LIMA1: variants seen among roughly 807,000 people sequenced by gnomAD.
The protein encoded by LIMA1 is LIM domain and actin binding 1.
LIMA1 carries 52 observed loss-of-function variants against 62.6 expected under a neutral mutation model. The ratio of observed to expected loss-of-function variants is 0.83; its 90% confidence interval spans 0.67 to 1.05. LIMA1 has a LOEUF of 1.05. LIMA1 is among the 50% of genes least tolerant of loss of function. LIMA1 has a pLI of 0.00. For missense variants in LIMA1, 780 were observed against 902.2 expected (o/e 0.86, Z 1.74); for synonymous variants, 302 against 317.8 (o/e 0.95, Z 0.53).
At chr12:50,193,523 T>C (rs1366933622) in intron 8 of LIMA1, among the ~76,000 whole-genome samples, 19 of 136,154 alleles carry the variant, frequency 1.4e-4, no homozygotes, top group Non-Finnish European at 2.3e-4. Context: ...ATGATATATA[T>C]ACACATATAT....
At chr12:50,259,160 T>C (rs1411228753) in intron 1 of LIMA1, among the ~76,000 whole-genome samples, 3 of 152,142 alleles carry the variant, frequency 2.0e-5, no homozygotes, top group African/African-American at 7.2e-5. Context: ...ACACCGTATA[T>C]TTTTTTCACT....
intron 9 of LIMA1, among the ~76,000 whole-genome samples, chr12:50,184,918 ACCTTCCGGGTTCAAGCGATTCT>A (rs1940593679): frequency 6.6e-6 from 1 of 151,946 alleles, no homozygotes; most frequent in Non-Finnish European, 1.5e-5. Flanking sequence ...TGCAAGCTCC[ACCTTCCGGGTTCAAGCGATTCT>A]CCTGCCTCAG....
intron 1 of LIMA1, among the ~76,000 whole-genome samples, chr12:50,282,539 T>C (rs961737618): frequency 2.0e-5 from 3 of 152,206 alleles, no homozygotes; most frequent in Non-Finnish European, 4.4e-5. Flanking sequence ...ATTTATTTAT[T>C]TTTTTGTAGA....
At chr12:50,258,117 A>G (rs952246509) in intron 1 of LIMA1, among the ~76,000 whole-genome samples, 2 of 151,968 alleles carry the variant, frequency 1.3e-5, no homozygotes, top group Non-Finnish European at 2.9e-5. Context: ...TGTATTTACC[A>G]TGCCTCAGCC....
intron 2 of LIMA1, among the ~76,000 whole-genome samples, chr12:50,233,577 T>C (rs1432306966): frequency 6.6e-6 from 1 of 152,204 alleles, no homozygotes; most frequent in African/African-American, 2.4e-5. Context: ...CAGGCTGGAG[T>C]GCAATGGCAC....
intron 6 of LIMA1, among the ~76,000 whole-genome samples, chr12:50,203,360 T>C (rs1941091549): frequency 6.6e-6 from 1 of 151,942 alleles, no homozygotes; most frequent in Admixed American, 6.6e-5. Flanking sequence ...GCTTACCCGT[T>C]AAGCACAGGA....
rs56674261 is a variant in LIMA1 at position 50,178,966 on chromosome 12, A to ATATATAT, written c.1275-898_1275-897insATATATA. 1.6e-4 allele frequency among the ~76,000 whole-genome samples: 20 copies of ATATATAT among 128,962 alleles called. No homozygotes were observed. The East Asian group carries it at 1.7e-3, about 11-fold the overall frequency. 84.6% of individuals were successfully genotyped at this position (128,962 alleles called of 152,430 possible). The stretch of plus-strand genomic sequence containing the variant: ...TATATAAATACATATATATATATAT[A>ATATATAT]TTTTTTTTTTCTTTTTCTTTTCTTT... On this transcript the variant is annotated intron_variant, in intron 10 of 10. Transcript: ENST00000341247.
rs868167823 is a variant in LIMA1, at chr12:50,176,879, T to G, written c.*185A>C. 3.5e-5 allele frequency: 19 copies of G among 547,542 alleles called. No homozygotes were observed. The Middle Eastern group carries it at 5.2e-3, about 150-fold the overall frequency. 33.9% of individuals were successfully genotyped at this position (547,542 alleles called of 1,614,324 possible). ...ATTTAAGTAAAGTTATCTCTAGTAT[T>G]TAGAATGTGTTTTTTGTGTTTTTTT... is the stretch of plus-strand genomic sequence containing the variant. On this transcript the variant is annotated 3_prime_UTR_variant, in exon 11 of 11. Transcript: ENST00000341247.
chr12:50,259,361 G>A (rs2138667649), intron 1 of LIMA1, among the ~76,000 whole-genome samples: 1 of 152,110 alleles, frequency 6.6e-6, no homozygotes, highest in East Asian at 1.9e-4. Context: ...GATCTACTTT[G>A]TCTTTTAACC....
At chr12:50,183,810 CAAAAAA>C (rs34778877) in intron 9 of LIMA1, among the ~76,000 whole-genome samples, 4 of 56,462 alleles carry the variant, frequency 7.1e-5, no homozygotes, top group East Asian at 5.4e-4. Context: ...GACTTGGTCT[CAAAAAA>C]AAAAAAAAAA....
chr12:50,188,097 A>T (rs750537942), intron 9 of LIMA1: 1 of 152,220 alleles, frequency 6.6e-6, no homozygotes, highest in Non-Finnish European at 1.5e-5. Flanking sequence ...CAGAATCCTT[A>T]AAGACCTCTA....
intron 4 of LIMA1, among the ~76,000 whole-genome samples, chr12:50,220,914 C>A (rs1044426025): frequency 1.3e-5 from 2 of 152,152 alleles, no homozygotes; most frequent in Admixed American, 6.5e-5. Flanking sequence ...TGTAGCTTTA[C>A]ACATCGTCAA....
intron 1 of LIMA1, among the ~76,000 whole-genome samples, chr12:50,276,944 A>G (rs149326676): frequency 1.4e-3 from 216 of 152,272 alleles, no homozygotes; most frequent in African/African-American, 4.7e-3. Flanking sequence ...TAAATATTTG[A>G]CCACAGGACA....
chr12:50,246,733 C>T (rs1218672429), intron 2 of LIMA1, among the ~76,000 whole-genome samples: 2 of 152,170 alleles, frequency 1.3e-5, no homozygotes, highest in African/African-American at 4.8e-5. Context: ...TTTTCCATGG[C>T]AGACTGCTTG....
intron 1 of LIMA1, chr12:50,249,588 A>G (rs1332425583): frequency 6.6e-6 from 1 of 152,182 alleles, no homozygotes; most frequent in African/African-American, 2.4e-5. Flanking sequence ...AAGAATACAT[A>G]AAGCCATACC....
At chr12:50,211,650 C>T (rs2138515103) in intron 4 of LIMA1, among the ~76,000 whole-genome samples, 1 of 152,186 alleles carries the variant, frequency 6.6e-6, no homozygotes, top group African/African-American at 2.4e-5. Flanking sequence ...GTCTCAAAAG[C>T]AAGCAAACAA....
chr12:50,193,106 A>C (rs748713249), intron 8 of LIMA1, among the ~76,000 whole-genome samples: 1 of 152,132 alleles, frequency 6.6e-6, no homozygotes, highest in Non-Finnish European at 1.5e-5. Context: ...GGCTCCATGA[A>C]GTTTTTTTCA....
intron 5 of LIMA1, among the ~76,000 whole-genome samples, chr12:50,204,973 G>A (rs1296769083): frequency 2.0e-5 from 3 of 152,152 alleles, no homozygotes; most frequent in Non-Finnish European, 4.4e-5. Context: ...AATATCTTCT[G>A]TTAAAAGCAC....
intron 2 of LIMA1, 37 bp from the exon 3 acceptor site, chr12:50,231,747 A>G (rs1391092520): frequency 1.9e-6 from 3 of 1,588,172 alleles, no homozygotes; most frequent in African/African-American, 2.7e-5. Flanking sequence ...CTCAAATTAA[A>G]CTTATATTTT....
Sources: allele counts gnomAD v4.1 joint callset (sites outside exome capture counted in the v4.1 genomes callset), GRCh38; gene constraint gnomAD v4.1.1; transcripts MANE v1.5; gene names NCBI Gene and HGNC (gene_info 2026-07-23, HGNC 2026-07-21).